Variants in TRPM6 observed in about 807,000 individuals in gnomAD.
The protein encoded by TRPM6 is channel kinase 2.
A neutral mutation model predicts 247.6 loss-of-function variants in TRPM6; 111 were observed. The observed-to-expected ratio is 0.45, with a 90% CI of 0.38 to 0.52. TRPM6 has a LOEUF of 0.52. Ranked by LOEUF, TRPM6 falls within the 20% of genes least tolerant of loss-of-function variation. The probability of loss-of-function intolerance (pLI) is 0.00; values close to 1 mark genes in which losing one functional copy is unlikely to be tolerated. For missense variants in TRPM6, 2,126 were observed against 2,421.5 expected (o/e 0.88, Z 2.56); for synonymous variants, 892 against 853.8 (o/e 1.04, Z -0.78).
At chr9:74,788,790 G>C in intron 19 of TRPM6, 48 bp from the exon 20 acceptor site, 1 of 1,607,940 alleles carries the variant, frequency 6.2e-7, no homozygotes, top group Non-Finnish European at 8.5e-7. Flanking sequence ...AGCAAGCATG[G>C]AGCATGCCAA....
intron 5 of TRPM6, among the ~76,000 whole-genome samples, chr9:74,835,842 T>C (rs1829704020): frequency 6.6e-6 from 1 of 152,070 alleles, no homozygotes; most frequent in Non-Finnish European, 1.5e-5. Flanking sequence ...GAATGAAAAG[T>C]ACAGAAAGTT....
At position 74,786,112 on chromosome 9, in the gene TRPM6, T is replaced by C. The variant is rs572359802; in HGVS notation, c.2681A>G (p.Glu894Gly). The C allele has an allele frequency of 6.2e-7, 1 of 1,614,188 alleles. No individual in the cohort carries two copies. Among genetic ancestry groups the C allele is most frequent in the East Asian group, 2.2e-5 (1 of 44,876 alleles). The change falls in exon 21 of 39, where the codon GAA becomes GGA. Residue 894 changes from glutamate (E) to glycine (G), a missense_variant. This residue lies in a region of TRPM6 where 1,082 missense variants were observed against 1,307.9 expected (regional missense o/e 0.83). Coordinates refer to ENST00000360774, the MANE Select transcript of TRPM6 (RefSeq NM_017662.5). ...CACCTTTTGGGTAAACTTCCCAGGT[T>C]CTGAAATACAGATCTAAAAGAAGGA... ...IEVVREICISEPGKFTQKVKV... is the reference protein window; with the variant it reads ...IEVVREICISGPGKFTQKVKV...
At position 74,755,365 on chromosome 9, in the gene TRPM6, A is replaced by T; in HGVS notation, c.4894T>A (p.Phe1632Ile). 6.2e-7 allele frequency: 1 copy of T among 1,614,060 alleles called. No individual in the cohort carries two copies. Among genetic ancestry groups the T allele is most frequent in the Non-Finnish European group, 8.5e-7 (1 of 1,179,966 alleles). Residue 1632 changes from phenylalanine to isoleucine, a missense_variant, in exon 28 of 39, where the codon TTT (phenylalanine) becomes ATT (isoleucine). By Grantham distance (21) the Phe-to-Ile change is conservative. Coordinates refer to ENST00000360774, the MANE Select transcript of TRPM6 (RefSeq NM_017662.5). ...YSKNWFTVSK[F>I]SHTGVEPYIH... ...AGATGTTACATACCTGTGTGACTAA[A>T]TTTGGACACTGTGAACCAGTTCTTG... is the stretch of plus-strand genomic sequence containing the variant.
At chr9:74,776,110 A>C (rs759198802) in intron 23 of TRPM6, 34 bp from the exon 24 acceptor site, 18 of 1,565,912 alleles carry the variant, frequency 1.1e-5, no homozygotes, top group Admixed American at 1.7e-5. Flanking sequence ...ACAATGTTTT[A>C]ATATGAAGTC....
chr9:74,871,440 A>G (rs1034203765), intron 1 of TRPM6, among the ~76,000 whole-genome samples: 1 of 152,162 alleles, frequency 6.6e-6, no homozygotes, highest in African/African-American at 2.4e-5. Context: ...CTGATTAATA[A>G]TGATATGTAA....
intron 17 of TRPM6, among the ~76,000 whole-genome samples, chr9:74,799,430 ATAATT>A (rs1249125703): frequency 2.6e-5 from 4 of 152,112 alleles, no homozygotes; most frequent in African/African-American, 9.7e-5. Context: ...ATTATTCTTG[ATAATT>A]TAAGATAATA....
At position 74,869,479 on chromosome 9, in the gene TRPM6, A is replaced by G. The variant is rs200464737; in HGVS notation, c.34-10731T>C. On this transcript the variant is annotated intron_variant, in intron 1 of 38. Coordinates refer to ENST00000360774, the MANE Select transcript of TRPM6 (RefSeq NM_017662.5). The stretch of plus-strand genomic sequence containing the variant: ...AAAAAAAAAAAAAAAAGAAACTGTC[A>G]TAAATGGACGATATAAAGCAAAAGC... Among the ~76,000 whole-genome samples the G allele has an allele frequency of 4.6e-5, 7 of 151,870 alleles. No individual in the cohort carries two copies. The East Asian group carries it at 1.4e-3, about 29-fold the overall frequency.
intron 33 of TRPM6, 137 bp downstream of exon 33, chr9:74,742,423 GA>G: frequency 2.5e-6 from 2 of 800,296 alleles, no homozygotes; most frequent in Non-Finnish European, 4.2e-6. Flanking sequence ...TCCATTTTAG[GA>G]AATGAATCTC....
intron 17 of TRPM6, among the ~76,000 whole-genome samples, chr9:74,799,569 CACAT>C (rs112113061): frequency 0.12 from 18,853 of 151,434 alleles, 1,318 homozygotes; most frequent in East Asian, 0.21. Context: ...CACACACACA[CACAT>C]TGGGTAAGCA....
chr9:74,725,348 AG>A (rs1480549935), intron 38 of TRPM6, among the ~76,000 whole-genome samples: 1 of 152,198 alleles, frequency 6.6e-6, no homozygotes, highest in Non-Finnish European at 1.5e-5. Flanking sequence ...TGTATTTGCT[AG>A]CCTAGAACAT....
At chr9:74,794,104 G>A (rs978350534) in intron 18 of TRPM6, among the ~76,000 whole-genome samples, 6 of 152,070 alleles carry the variant, frequency 3.9e-5, no homozygotes, top group African/African-American at 1.4e-4. Flanking sequence ...GTAGCGAAAG[G>A]AAAGCAAAAG....
intron 29 of TRPM6, among the ~76,000 whole-genome samples, chr9:74,751,452 T>C (rs1826241822): frequency 6.6e-6 from 1 of 152,236 alleles, no homozygotes; most frequent in Admixed American, 6.5e-5. Flanking sequence ...TCAAGTAGTC[T>C]GACACTTTAC....
chr9:74,858,648 G>C, intron 2 of TRPM6, 21 bp downstream of exon 2: 1 of 1,550,882 alleles, frequency 6.4e-7, no homozygotes, highest in Non-Finnish European at 8.9e-7. Flanking sequence ...TTTAAAAGAA[G>C]AAGGTAATTG....
intron 19 of TRPM6, among the ~76,000 whole-genome samples, chr9:74,792,189 G>T (rs1271561758): frequency 6.6e-6 from 1 of 152,188 alleles, no homozygotes; most frequent in African/African-American, 2.4e-5. Context: ...CACTTTTGTG[G>T]AATGTGCAAC....
chr9:74,832,506 C>A (rs1208428754), intron 6 of TRPM6, among the ~76,000 whole-genome samples: 1 of 152,046 alleles, frequency 6.6e-6, no homozygotes, highest in Non-Finnish European at 1.5e-5. Context: ...GATATAATAA[C>A]TTCATTGTGA....
At chr9:74,861,128 C>T (rs1156757744) in intron 1 of TRPM6, among the ~76,000 whole-genome samples, 1 of 152,332 alleles carries the variant, frequency 6.6e-6, no homozygotes, top group Non-Finnish European at 1.5e-5. Flanking sequence ...ATTCTCCAAA[C>T]ATTTATTAAA....
chr9:74,810,673 C>A (rs1828698396), intron 13 of TRPM6, 142 bp downstream of exon 13: 2 of 757,108 alleles, frequency 2.6e-6, no homozygotes, highest in Non-Finnish European at 4.7e-6. Flanking sequence ...TGTTGATGAA[C>A]TTGTTCAAAT....
chr9:74,820,776 T>C (rs1035098689), intron 8 of TRPM6, among the ~76,000 whole-genome samples: 1 of 152,110 alleles, frequency 6.6e-6, no homozygotes, highest in Non-Finnish European at 1.5e-5. Flanking sequence ...TGAGAATGGG[T>C]TGATCTGCCA....
chr9:74,763,082 T>C lies in TRPM6; in HGVS notation c.3589A>G (p.Ile1197Val), dbSNP rs1564002931. 6.2e-7 allele frequency: 1 copy of C among 1,614,026 alleles called. No homozygotes were observed. Among genetic ancestry groups the C allele is most frequent in the Non-Finnish European group, 8.5e-7 (1 of 1,180,024 alleles). Residue 1197 changes from isoleucine (I) to valine (V), a missense_variant, in exon 26 of 39, where the codon ATA (isoleucine) becomes GTA (valine). Physicochemically the swap from Ile to Val is conservative, Grantham distance 29. This residue lies in a region of TRPM6 where 717 missense variants were observed against 715.9 expected (regional missense o/e 1.00). Transcript: ENST00000360774. The stretch of plus-strand genomic sequence containing the variant: ...TCCAAAGACAGTAAGGAGTCCTTTA[T>C]AAAAGACACCTTTTCATTCATTTCT... ...LKEMNEKVSFIKDSLLSLDSQ... is the reference protein window; with the variant it reads ...LKEMNEKVSFVKDSLLSLDSQ...
Sources: gnomAD v4.1 joint callset for allele counts (sites outside exome capture counted in the v4.1 genomes callset) on GRCh38, gnomAD v4.1.1 for gene constraint, gnomAD v4.1.1 regional missense constraint, MANE v1.5 for transcripts, NCBI Gene and HGNC (gene_info 2026-07-23, HGNC 2026-07-21) for gene names.